VTI1A: variants seen among roughly 807,000 people sequenced by gnomAD.
VTI1A encodes vesicle transport through interaction with t-SNAREs homolog 1A.
A neutral mutation model predicts 34.9 loss-of-function variants in VTI1A; 22 were observed. The observed-to-expected ratio is 0.63, with a 90% CI of 0.45 to 0.90. The LOEUF (loss-of-function observed/expected upper bound fraction) is 0.90, where lower values mean the gene tolerates loss of function less well. Among genes scored for constraint, VTI1A ranks in the 40% least tolerant of loss-of-function variants. VTI1A has a pLI of 0.00. For missense variants in VTI1A, 268 were observed against 275.6 expected (o/e 0.97, Z 0.20); for synonymous variants, 87 against 97.3 (o/e 0.89, Z 0.62).
intron 5 of VTI1A, among the ~76,000 whole-genome samples, chr10:112,647,815 G>A (rs1846860869): frequency 6.6e-6 from 1 of 151,900 alleles, no homozygotes; most frequent in Admixed American, 6.6e-5. Flanking sequence ...TGTTGTCCAG[G>A]CTGGAGTGCA....
At chr10:112,799,157 C>A (rs528583273) in intron 7 of VTI1A, among the ~76,000 whole-genome samples, 2 of 152,264 alleles carry the variant, frequency 1.3e-5, no homozygotes, top group East Asian at 3.9e-4. Flanking sequence ...GAACTTCAGG[C>A]TTCTGAGAGC....
Position 112,669,022 on chromosome 10 carries a change from C to G in VTI1A, c.560+24C>G, listed in dbSNP as rs200161294. The G allele has an allele frequency of 1.5e-4, 236 of 1,609,262 alleles. 2 individuals are homozygous for G. The Admixed American group carries it at 3.9e-3, about 27-fold the overall frequency. ...AGGTAAGAGCAAGGTAGGGACATATCTTTCTCTCTGTGTGTTTTTTTAAAA... is the reference window on the plus strand; with the variant it reads ...AGGTAAGAGCAAGGTAGGGACATATGTTTCTCTCTGTGTGTTTTTTTAAAA... On this transcript the variant is annotated intron_variant, in intron 7 of 7. Coordinates refer to ENST00000393077, the MANE Select transcript of VTI1A (RefSeq NM_145206.4).
rs145011443 is a variant in VTI1A, at chr10:112,504,306, G to A, written c.265-22781G>A. Among the ~76,000 whole-genome samples, 55 of 152,170 alleles carry A rather than the reference G, an allele frequency of 3.6e-4. 2 individuals carry two copies. The East Asian group carries it at 0.01, about 29-fold the overall frequency. On this transcript the variant is annotated intron_variant, in intron 3 of 7. Coordinates refer to ENST00000393077, the MANE Select transcript of VTI1A (RefSeq NM_145206.4). ...AGGTAACTACTGTTACGAATTGTTTGTGTATCTTTACAGATTCTCTTTAAA... is the reference window on the plus strand; with the variant it reads ...AGGTAACTACTGTTACGAATTGTTTATGTATCTTTACAGATTCTCTTTAAA...
chr10:112,606,561 T>C (rs997225299), intron 5 of VTI1A, among the ~76,000 whole-genome samples: 1 of 152,226 alleles, frequency 6.6e-6, no homozygotes, highest in Admixed American at 6.5e-5. Flanking sequence ...CACAACTTTC[T>C]CATTGCCTTG....
chr10:112,615,548 G>T (rs976775754), intron 5 of VTI1A, among the ~76,000 whole-genome samples: 1 of 152,050 alleles, frequency 6.6e-6, no homozygotes, highest in Non-Finnish European at 1.5e-5. Context: ...AGACCTCCCT[G>T]GCCCTCATGG....
chr10:112,611,376 G>A (rs1279323275), intron 5 of VTI1A, among the ~76,000 whole-genome samples: 1 of 152,168 alleles, frequency 6.6e-6, no homozygotes, highest in Admixed American at 6.5e-5. Flanking sequence ...ACTTTTGGAA[G>A]GATTAGAAGT....
the VTI1A span, among the ~76,000 whole-genome samples, chr10:112,830,822 C>T: frequency 7.1e-4 from 39 of 54,730 alleles, no homozygotes; most frequent in Admixed American, 1.6e-3. Context: ...CTAAAACCCT[C>T]ATATATATAT....
the VTI1A span, among the ~76,000 whole-genome samples, chr10:112,835,390 G>A: frequency 6.6e-6 from 1 of 152,152 alleles, no homozygotes; most frequent in African/African-American, 2.4e-5. Flanking sequence ...TGGCCTATCT[G>A]GGGGGCCTTC....
chr10:112,567,433 G>T (rs1336015254), intron 5 of VTI1A, among the ~76,000 whole-genome samples: 2 of 152,030 alleles, frequency 1.3e-5, no homozygotes, highest in Non-Finnish European at 2.9e-5. Context: ...ATTTATTATT[G>T]CTCACATTTA....
chr10:112,696,160 C>T (rs901426178), intron 7 of VTI1A, among the ~76,000 whole-genome samples: 4 of 151,598 alleles, frequency 2.6e-5, no homozygotes, highest in African/African-American at 9.7e-5. Context: ...ATCTCAAGGA[C>T]TGTATCTCCA....
At chr10:112,666,942 A>G (rs1847662254) in intron 5 of VTI1A, among the ~76,000 whole-genome samples, 1 of 152,126 alleles carries the variant, frequency 6.6e-6, no homozygotes, top group South Asian at 2.1e-4. Context: ...CCATTTATGG[A>G]TAAACTGAGG....
chr10:112,457,407 C>T (rs1332345408), intron 1 of VTI1A, among the ~76,000 whole-genome samples: 1 of 152,186 alleles, frequency 6.6e-6, no homozygotes, highest in African/African-American at 2.4e-5. Flanking sequence ...TGGTTCTTGT[C>T]TTCCCAGAGC....
intron 5 of VTI1A, among the ~76,000 whole-genome samples, chr10:112,550,188 T>A (rs1221016112): frequency 1.3e-5 from 2 of 152,204 alleles, no homozygotes; most frequent in African/African-American, 4.8e-5. Context: ...TCTGTGAGTT[T>A]AGAAAAAGAA....
chr10:112,842,011 T>A, the VTI1A span, among the ~76,000 whole-genome samples: 1 of 151,286 alleles, frequency 6.6e-6, no homozygotes, highest in African/African-American at 2.4e-5. Context: ...TTCCAACAAT[T>A]GGATACAGAA....
chr10:112,684,977 A>G (rs1848354941), intron 7 of VTI1A, among the ~76,000 whole-genome samples: 1 of 152,234 alleles, frequency 6.6e-6, no homozygotes, highest in African/African-American at 2.4e-5. Context: ...ATAGATGTGG[A>G]ACCATTGTCT....
chr10:112,538,197 A>G (rs573202790), intron 4 of VTI1A, 49 bp from the exon 5 acceptor site: 3 of 1,552,588 alleles, frequency 1.9e-6, no homozygotes, highest in African/African-American at 2.7e-5. Context: ...AAAAAAAAGA[A>G]CATTGTAGAC....
intron 3 of VTI1A, among the ~76,000 whole-genome samples, chr10:112,520,370 G>T (rs1037332011): frequency 6.6e-6 from 1 of 151,994 alleles, no homozygotes; most frequent in African/African-American, 2.4e-5. Flanking sequence ...AGCAAGTGGG[G>T]CCATGATACT....
intron 5 of VTI1A, among the ~76,000 whole-genome samples, chr10:112,588,799 C>T (rs17351092): frequency 0.18 from 27,387 of 152,164 alleles, 3,413 homozygotes; most frequent in Non-Finnish European, 0.28. Flanking sequence ...TTCCTGGCAG[C>T]ATTAACTTCC....
intron 2 of VTI1A, among the ~76,000 whole-genome samples, 184 bp downstream of exon 2, chr10:112,460,766 G>A (rs1390295071): frequency 1.3e-5 from 2 of 151,912 alleles, no homozygotes; most frequent in Non-Finnish European, 2.9e-5. Flanking sequence ...ATTCTTCTTA[G>A]CAAAGGTGAT....
Sources: allele counts gnomAD v4.1 joint callset (sites outside exome capture counted in the v4.1 genomes callset), GRCh38; gene constraint gnomAD v4.1.1; transcripts MANE v1.5; gene names NCBI Gene and HGNC (gene_info 2026-07-23, HGNC 2026-07-21).